Variants in NPHP4 observed in about 807,000 individuals in gnomAD.
NPHP4 encodes nephrocystin 4.
A neutral mutation model predicts 155.8 loss-of-function variants in NPHP4; 151 were observed. That is an observed-to-expected ratio of 0.97 (90% CI 0.85 to 1.11). The LOEUF is 1.11. NPHP4 is among the 50% of genes least tolerant of loss of function. The pLI is 0.00. For missense variants in NPHP4, 1,956 were observed against 1,925.7 expected, an observed-to-expected ratio of 1.02 and a Z score of -0.29; for synonymous variants, 845 against 816.8, an observed-to-expected ratio of 1.03 and a Z score of -0.59.
intron 16 of NPHP4, among the ~76,000 whole-genome samples, chr1:5,901,051 AAAAC>A (rs1057038949): frequency 2.0e-5 from 3 of 152,080 alleles, no homozygotes; most frequent in African/African-American, 7.2e-5. Flanking sequence ...AACCCAAAAA[AAAAC>A]AAAAAAGAAT....
intron 2 of NPHP4, among the ~76,000 whole-genome samples, chr1:5,985,380 C>T (rs1317401614): frequency 6.6e-6 from 1 of 152,266 alleles, no homozygotes; most frequent in African/African-American, 2.4e-5. Context: ...CCAGCAGGTT[C>T]CCCGCCAGCT....
At chr1:5,908,932 G>A (rs1236743609) in intron 12 of NPHP4, among the ~76,000 whole-genome samples, 1 of 152,168 alleles carries the variant, frequency 6.6e-6, no homozygotes, top group Non-Finnish European at 1.5e-5. Flanking sequence ...CATAGGGGTT[G>A]CAAGCAGCAG....
intron 11 of NPHP4, among the ~76,000 whole-genome samples, chr1:5,916,760 A>G (rs1219789155): frequency 6.6e-6 from 1 of 152,222 alleles, no homozygotes; most frequent in East Asian, 1.9e-4. Flanking sequence ...CTGTAATCCC[A>G]GCATTCTGGG....
chr1:5,864,495 A>C lies in NPHP4; in HGVS notation c.3839T>G (p.Val1280Gly), dbSNP rs764490828. The change falls in exon 28 of 30, where the codon GTG becomes GGG. Residue 1280 changes from valine to glycine, a missense_variant. By Grantham distance (109) the Val-to-Gly change is moderately radical (BLOSUM62 -3). Transcript: ENST00000378156. ...ELKTDPKGVFVLPPRGVQDLH... is the reference protein window; with the variant it reads ...ELKTDPKGVFGLPPRGVQDLH... Reference sequence around the variant, plus strand: ...GTCCTGCACCCCACGAGGCGGCAGCACGAAGACACCTTTGGGGTCTGTCTT... The same window carrying C: ...GTCCTGCACCCCACGAGGCGGCAGCCCGAAGACACCTTTGGGGTCTGTCTT... 1 of 1,590,680 alleles carries C rather than the reference A, an allele frequency of 6.3e-7. No individual in the cohort carries two copies. The highest frequency in any genetic ancestry group is 8.6e-7 in the Non-Finnish European group (1 of 1,167,600).
At chr1:5,954,638 C>T (rs1156512958) in intron 6 of NPHP4, among the ~76,000 whole-genome samples, 1 of 152,124 alleles carries the variant, frequency 6.6e-6, no homozygotes, top group Non-Finnish European at 1.5e-5. Context: ...AAACTGGACA[C>T]CCACATGCAG....
chr1:5,884,429 C>A (rs1224303453), intron 18 of NPHP4, among the ~76,000 whole-genome samples: 2 of 152,026 alleles, frequency 1.3e-5, no homozygotes, highest in African/African-American at 2.4e-5. Context: ...AAGCTCCCAG[C>A]CGAACCCCCG....
chr1:5,981,112 G>A (rs1053532091), intron 2 of NPHP4, among the ~76,000 whole-genome samples: 6 of 152,122 alleles, frequency 3.9e-5, no homozygotes, highest in South Asian at 4.1e-4. Flanking sequence ...GCTTCTGCAC[G>A]TGCCCCTCCT....
At chr1:5,900,964 G>A (rs372613793) in intron 16 of NPHP4, among the ~76,000 whole-genome samples, 2 of 152,096 alleles carry the variant, frequency 1.3e-5, no homozygotes, top group Non-Finnish European at 2.9e-5. Context: ...GGGCCCAGGA[G>A]GTCGAGGCTG....
At position 5,945,190 on chromosome 1, in the gene NPHP4, C is replaced by T. The variant is rs568422746; in HGVS notation, c.1119+1914G>A. 5.9e-5 allele frequency among the ~76,000 whole-genome samples: 9 copies of T among 152,264 alleles called. No individual in the cohort carries two copies. The South Asian group carries it at 1.9e-3, about 32-fold the overall frequency. ...AAGACACTGAGAGTGAGGCGCCAGC[C>T]CTCCTGCTCCTCCCCACCTCCCCCC... On this transcript the variant is annotated intron_variant, in intron 9 of 29. Transcript: ENST00000378156.
intron 16 of NPHP4, among the ~76,000 whole-genome samples, chr1:5,899,911 C>A (rs1324677099): frequency 6.6e-6 from 1 of 152,188 alleles, no homozygotes; most frequent in African/African-American, 2.4e-5. Context: ...GGTATCTGAG[C>A]AGAAATCTCA....
chr1:5,970,859 A>C (rs565491812), intron 3 of NPHP4, among the ~76,000 whole-genome samples: 37 of 152,290 alleles, frequency 2.4e-4, no homozygotes, highest in Admixed American at 2.2e-3. Context: ...CAGCCATGAG[A>C]TATAAATCGT....
rs116124816 is a variant in NPHP4 at position 5,873,716 on chromosome 1, A to G, written c.3232-381T>C. ...ACCCCAAAAGGTCAAAAGCTGAAAC[A>G]CACACTCCACACCCCATGCCGGCCT... On this transcript the variant is annotated intron_variant, in intron 22 of 29. Transcript: ENST00000378156. The G allele has an allele frequency of 7.5e-3, 2,452 of 328,432 alleles. 43 individuals are homozygous for G. Among genetic ancestry groups the G allele is most frequent in the African/African-American group, 0.044 (1,980 of 45,332 alleles). The allele number at this position is 328,432 out of a possible 1,614,324, so 20.3% of individuals were successfully genotyped here.
chr1:5,899,137 C>T (rs1456840141), intron 16 of NPHP4, among the ~76,000 whole-genome samples: 1 of 152,210 alleles, frequency 6.6e-6, no homozygotes, highest in Non-Finnish European at 1.5e-5. Context: ...TCCACTAAAC[C>T]TAACAACAGG....
chr1:5,981,797 C>G (rs1375507267), intron 2 of NPHP4, among the ~76,000 whole-genome samples: 1 of 152,204 alleles, frequency 6.6e-6, no homozygotes, highest in East Asian at 1.9e-4. Flanking sequence ...CCCACTTGAT[C>G]CTAATACCCC....
intron 1 of NPHP4, among the ~76,000 whole-genome samples, chr1:5,990,357 G>A (rs1352172541): frequency 6.6e-6 from 1 of 152,076 alleles, no homozygotes; most frequent in East Asian, 1.9e-4. Flanking sequence ...AGTGCAGAGG[G>A]GCCTTTGGGG....
chr1:5,937,007 G>A (rs1646576408), intron 9 of NPHP4, among the ~76,000 whole-genome samples: 1 of 152,252 alleles, frequency 6.6e-6, no homozygotes, highest in Admixed American at 6.5e-5. Context: ...CATGACGAGG[G>A]GGCGGAGAAC....
At chr1:5,916,232 A>C (rs779507710) in intron 11 of NPHP4, among the ~76,000 whole-genome samples, 1 of 152,226 alleles carries the variant, frequency 6.6e-6, no homozygotes, top group Non-Finnish European at 1.5e-5. Context: ...GCTCCCTTGC[A>C]ATGTTACAGA....
In NPHP4 at chr1:5,905,842, A is replaced by G; in HGVS notation, c.1612-59T>C. ...CAAGGACCCCAACCCGTAACAACCA[A>G]CGGTGCTCAGATCTAAGGGGATTCA... On this transcript the variant is annotated intron_variant, in intron 13 of 29. Coordinates refer to ENST00000378156, the MANE Select transcript of NPHP4 (RefSeq NM_015102.5). This position sits in a 1 kb window ranked among gnomAD's most constrained non-coding sequence, Gnocchi z 4.0. The G allele has an allele frequency of 6.6e-7, 1 of 1,515,726 alleles. No individual in the cohort carries two copies. Among genetic ancestry groups the G allele is most frequent in the Non-Finnish European group, 9.0e-7 (1 of 1,115,832 alleles). 93.9% of individuals were successfully genotyped at this position (1,515,726 alleles called of 1,614,324 possible).
At chr1:5,942,587 CAAAAAA>C (rs34438938) in intron 9 of NPHP4, among the ~76,000 whole-genome samples, 1 of 82,784 alleles carries the variant, frequency 1.2e-5, no homozygotes. Flanking sequence ...TCATAAATGA[CAAAAAA>C]AAAAAAAAAA....
Sources: gnomAD v4.1 joint callset for allele counts (sites outside exome capture counted in the v4.1 genomes callset) on GRCh38, gnomAD v4.1.1 for gene constraint, Gnocchi (gnomAD v3.1) non-coding constraint, MANE v1.5 for transcripts, NCBI Gene and HGNC (gene_info 2026-07-23, HGNC 2026-07-21) for gene names.